Variants in DOCK3 observed in about 807,000 individuals in gnomAD.
DOCK3 encodes the protein dedicator of cytokinesis protein 3.
A neutral mutation model predicts 265.6 loss-of-function variants in DOCK3; 60 were observed. That is an observed-to-expected ratio of 0.23 (90% CI 0.18 to 0.28). The LOEUF (loss-of-function observed/expected upper bound fraction) is 0.28, where lower values mean the gene tolerates loss of function less well. Among genes scored for constraint, DOCK3 ranks in the 10% least tolerant of loss-of-function variants. The pLI is 1.00. For synonymous variants in DOCK3, 881 were observed against 938.0 expected, an observed-to-expected ratio of 0.94 and a Z score of 1.11; for missense variants, 1,981 against 2,594.3, an observed-to-expected ratio of 0.76 and a Z score of 5.14.
chr3:50,977,529 G>A (rs1244108066), intron 5 of DOCK3, among the ~76,000 whole-genome samples: 3 of 152,140 alleles, frequency 2.0e-5, no homozygotes, highest in African/African-American at 7.2e-5. Context: ...AGTCTGATGG[G>A]CTTCCCTTTG....
chr3:50,906,089 A>G (rs1252573486), intron 4 of DOCK3, among the ~76,000 whole-genome samples: 5 of 152,126 alleles, frequency 3.3e-5, no homozygotes, highest in African/African-American at 7.3e-5. Context: ...ATGTTGAACC[A>G]GCCTTGCATC....
At chr3:51,090,414 T>C (rs2082595335) in intron 9 of DOCK3, 30 bp downstream of exon 9, 1 of 1,586,752 alleles carries the variant, frequency 6.3e-7, no homozygotes, top group African/African-American at 1.3e-5. Context: ...CTGGTGAGGT[T>C]CTATGTTAGG....
At chr3:50,864,890 T>TG (rs1031723309) in intron 3 of DOCK3, among the ~76,000 whole-genome samples, 4 of 152,100 alleles carry the variant, frequency 2.6e-5, no homozygotes, top group Non-Finnish European at 5.9e-5. Context: ...CGTCCAGGCT[T>TG]GGTTTTTTTT....
chr3:51,053,447 G>A lies in DOCK3; in HGVS notation c.316-11001G>A, dbSNP rs10222615. Among the ~76,000 whole-genome samples the A allele has an allele frequency of 3.0e-3, 433 of 145,734 alleles. 3 individuals carry two copies. The highest frequency in any genetic ancestry group is 0.011 in the African/African-American group (415 of 39,354). On this transcript the variant is annotated intron_variant, in intron 5 of 52. Transcript: ENST00000266037. Reference sequence around the variant, plus strand: ...CACTATTTTTTTTTTTTTTTTGATGGAGTCTTGCTCTGTCCCCCAGGCTGG... The same window carrying A: ...CACTATTTTTTTTTTTTTTTTGATGAAGTCTTGCTCTGTCCCCCAGGCTGG...
intron 51 of DOCK3, among the ~76,000 whole-genome samples, chr3:51,379,147 C>G (rs782508025): frequency 2.0e-5 from 3 of 152,222 alleles, no homozygotes; most frequent in Non-Finnish European, 4.4e-5. Context: ...CTCTTCTCCT[C>G]CTGGCAGATC....
At chr3:51,014,061 A>G (rs1187839521) in intron 5 of DOCK3, among the ~76,000 whole-genome samples, 1 of 152,172 alleles carries the variant, frequency 6.6e-6, no homozygotes, top group African/African-American at 2.4e-5. Flanking sequence ...TTTTCCCGGT[A>G]CAGTCTGTCA....
chr3:50,832,424 C>A (rs1252270835), intron 2 of DOCK3, among the ~76,000 whole-genome samples: 1 of 152,204 alleles, frequency 6.6e-6, no homozygotes, highest in East Asian at 1.9e-4. Flanking sequence ...AGTGAACAGG[C>A]AGCCTGCAGA....
At chr3:51,339,743 C>T (rs751076) in intron 37 of DOCK3, among the ~76,000 whole-genome samples, 12,553 of 152,202 alleles carry the variant, frequency 0.082, 1,158 homozygotes, top group East Asian at 0.34. Context: ...CTTATGCCAT[C>T]GTTCCCCCCA....
chr3:51,124,620 A>G (rs946111979), intron 9 of DOCK3, among the ~76,000 whole-genome samples: 8 of 152,202 alleles, frequency 5.3e-5, no homozygotes, highest in Non-Finnish European at 1.2e-4. Context: ...GGGTATATCC[A>G]TTTGTGCACA....
chr3:50,906,939 G>T (rs957648084), intron 4 of DOCK3, among the ~76,000 whole-genome samples: 6 of 152,064 alleles, frequency 3.9e-5, no homozygotes, highest in African/African-American at 1.2e-4. Flanking sequence ...GTGTCCCAGA[G>T]ATTCTGGTAT....
chr3:50,757,336 T>C (rs2040225373), intron 1 of DOCK3, among the ~76,000 whole-genome samples: 1 of 151,870 alleles, frequency 6.6e-6, no homozygotes, highest in South Asian at 2.1e-4. Context: ...CATGCCTGGC[T>C]AATTTTTGTA....
At chr3:51,170,994 C>G (rs1000274301) in intron 12 of DOCK3, among the ~76,000 whole-genome samples, 1 of 147,996 alleles carries the variant, frequency 6.8e-6, no homozygotes, top group Non-Finnish European at 1.5e-5. Flanking sequence ...TTCCAAGAAA[C>G]CAACTGTTAA....
At chr3:50,729,380 T>TTTA (rs1559560413) in intron 1 of DOCK3, among the ~76,000 whole-genome samples, 1 of 54,652 alleles carries the variant, frequency 1.8e-5, no homozygotes, top group East Asian at 5.7e-4. Flanking sequence ...TTATTTATTT[T>TTTA]TATTTATTTA....
intron 1 of DOCK3, among the ~76,000 whole-genome samples, chr3:50,773,659 A>G (rs1006503488): frequency 7.2e-5 from 11 of 152,118 alleles, no homozygotes; most frequent in African/African-American, 2.7e-4. Flanking sequence ...AATTCATTGT[A>G]GTTTTATTTA....
At chr3:50,907,490 C>A (rs561921875) in intron 4 of DOCK3, among the ~76,000 whole-genome samples, 1 of 152,158 alleles carries the variant, frequency 6.6e-6, no homozygotes, top group South Asian at 2.1e-4. Context: ...TTGAATTGAT[C>A]CCTTTACCAT....
At chr3:51,139,215 G>A (rs1396761952) in intron 9 of DOCK3, among the ~76,000 whole-genome samples, 1 of 151,310 alleles carries the variant, frequency 6.6e-6, no homozygotes, top group African/African-American at 2.4e-5. Flanking sequence ...TCACATTTTG[G>A]TGTCTAGAAT....
intron 49 of DOCK3, among the ~76,000 whole-genome samples, chr3:51,373,770 AC>A (rs1391969627): frequency 1.3e-5 from 2 of 152,058 alleles, no homozygotes; most frequent in South Asian, 2.1e-4. Flanking sequence ...AGTTCCATGA[AC>A]CCTGAGTTCA....
At chr3:51,367,543 C>T (rs1411599943) in intron 49 of DOCK3, among the ~76,000 whole-genome samples, 2 of 152,144 alleles carry the variant, frequency 1.3e-5, no homozygotes. Flanking sequence ...ATGATGTTAG[C>T]TGGTTATTTT....
chr3:51,238,964 G>A (rs2078469803), intron 21 of DOCK3, among the ~76,000 whole-genome samples: 1 of 151,900 alleles, frequency 6.6e-6, no homozygotes, highest in African/African-American at 2.4e-5. Flanking sequence ...TATTACTTTG[G>A]GTTTATATAC....
Sources: allele counts gnomAD v4.1 joint callset (sites outside exome capture counted in the v4.1 genomes callset), GRCh38; gene constraint gnomAD v4.1.1; transcripts MANE v1.5; gene names NCBI Gene and HGNC (gene_info 2026-07-23, HGNC 2026-07-21).